The following MTMR12 variants were observed in gnomAD, a reference collection of about 807,000 sequenced individuals.
MTMR12 encodes the protein myotubularin related protein 12.
A neutral mutation model predicts 96.7 loss-of-function variants in MTMR12; 33 were observed. The ratio of observed to expected loss-of-function variants is 0.34; its 90% CI spans 0.26 to 0.46. The LOEUF (loss-of-function observed/expected upper bound fraction) is 0.46, where lower values mean the gene tolerates loss of function less well. Among genes scored for constraint, MTMR12 ranks in the 20% least tolerant of loss-of-function variants. The pLI, the probability that MTMR12 is intolerant of heterozygous loss-of-function variation, is 1.00. For synonymous variants in MTMR12, 298 were observed against 327.2 expected (o/e 0.91, Z 0.96); for missense variants, 721 against 896.1 (o/e 0.80, Z 2.49).
chr5:32,311,451 G>C (rs1203423979), intron 1 of MTMR12, among the ~76,000 whole-genome samples: 1 of 152,172 alleles, frequency 6.6e-6, no homozygotes, highest in Non-Finnish European at 1.5e-5. Context: ...AAATGCCTCA[G>C]GCCCCAGGTG....
intron 1 of MTMR12, among the ~76,000 whole-genome samples, chr5:32,310,008 A>T (rs1406483682): frequency 2.0e-5 from 3 of 152,182 alleles, no homozygotes; most frequent in Non-Finnish European, 4.4e-5. Context: ...ACTGCTAGGT[A>T]TACACCCAAA....
At chr5:32,240,750 A>G (rs1481198160) in intron 12 of MTMR12, among the ~76,000 whole-genome samples, 1 of 152,146 alleles carries the variant, frequency 6.6e-6, no homozygotes. Context: ...ACAGGCACAC[A>G]GGACCAAGCC....
intron 8 of MTMR12, among the ~76,000 whole-genome samples, chr5:32,251,593 A>AC (rs1748928131): frequency 6.6e-6 from 1 of 152,196 alleles, no homozygotes; most frequent in African/African-American, 2.4e-5. Flanking sequence ...AGAGAAAACA[A>AC]GTATAGACTC....
chr5:32,298,724 G>A (rs551107774), intron 1 of MTMR12, among the ~76,000 whole-genome samples: 10 of 151,916 alleles, frequency 6.6e-5, no homozygotes, highest in East Asian at 1.9e-4. Flanking sequence ...AGAGGCGGGC[G>A]GATCATGAGG....
At chr5:32,242,246 T>C (rs75970874) in intron 11 of MTMR12, 119 bp from the exon 12 acceptor site, 4 of 583,532 alleles carry the variant, frequency 6.9e-6, no homozygotes, top group South Asian at 3.5e-5. Flanking sequence ...TTTTTTTTTT[T>C]CCACGCTAAA....
At chr5:32,286,142 A>T (rs1245155071) in intron 1 of MTMR12, among the ~76,000 whole-genome samples, 1 of 152,180 alleles carries the variant, frequency 6.6e-6, no homozygotes, top group Non-Finnish European at 1.5e-5. Context: ...AGTTCGAGAC[A>T]AGCTTGGGCA....
intron 7 of MTMR12, among the ~76,000 whole-genome samples, chr5:32,261,988 C>T (rs1460294087): frequency 1.3e-5 from 2 of 152,140 alleles, no homozygotes; most frequent in Admixed American, 6.5e-5. Flanking sequence ...AGGAGAATGG[C>T]GTGAACCCAG....
chr5:32,275,906 T>G (rs1323150104), intron 2 of MTMR12, among the ~76,000 whole-genome samples: 1 of 152,204 alleles, frequency 6.6e-6, no homozygotes, highest in Non-Finnish European at 1.5e-5. Context: ...TTGCACAGAT[T>G]TATATCCCCT....
intron 7 of MTMR12, 47 bp from the exon 8 acceptor site, chr5:32,255,815 C>T (rs889390703): frequency 2.0e-6 from 3 of 1,496,760 alleles, no homozygotes; most frequent in Admixed American, 3.7e-5. Context: ...ACTTAATTCA[C>T]AAAATATGAA....
intron 1 of MTMR12, among the ~76,000 whole-genome samples, chr5:32,307,403 G>A (rs1751404256): frequency 1.3e-5 from 2 of 152,100 alleles, no homozygotes; most frequent in Admixed American, 1.3e-4. Context: ...CTGGGCTGGG[G>A]TGGGGGTGCT....
chr5:32,312,739 C>T lies in MTMR12; in HGVS notation c.81+19G>A. On this transcript the variant is annotated intron_variant, in intron 1 of 15. Coordinates refer to ENST00000382142, the MANE Select transcript of MTMR12 (RefSeq NM_001040446.3). The surrounding 1 kb of genome is among the most constrained non-coding windows in gnomAD (Gnocchi z 5.0). ...CGGCCGCCCCTGCCCGACGCCCCGCCTGCGCGGCGCCCCCTCACCTCAGGG... is the reference window on the plus strand; with the variant it reads ...CGGCCGCCCCTGCCCGACGCCCCGCTTGCGCGGCGCCCCCTCACCTCAGGG... 2 of 1,497,908 alleles carry T rather than the reference C, an allele frequency of 1.3e-6. No individual in the cohort carries two copies. The highest frequency in any genetic ancestry group is 2.1e-4 in the Middle Eastern group (1 of 4,710). The allele number at this position is 1,497,908 out of a possible 1,614,324, so 92.8% of individuals were successfully genotyped here.
At chr5:32,301,311 C>A (rs1419763514) in intron 1 of MTMR12, among the ~76,000 whole-genome samples, 1 of 152,172 alleles carries the variant, frequency 6.6e-6, no homozygotes, top group Non-Finnish European at 1.5e-5. Flanking sequence ...CCAAACAACT[C>A]ATCCCTGGGA....
intron 3 of MTMR12, among the ~76,000 whole-genome samples, chr5:32,273,484 A>G (rs1247610113): frequency 6.6e-6 from 1 of 152,242 alleles, no homozygotes; most frequent in Non-Finnish European, 1.5e-5. Flanking sequence ...TTTAAGGAAG[A>G]GCTTAGTATA....
intron 1 of MTMR12, among the ~76,000 whole-genome samples, chr5:32,297,320 C>G (rs905258381): frequency 6.6e-6 from 1 of 152,104 alleles, no homozygotes; most frequent in Non-Finnish European, 1.5e-5. Context: ...CCACTCAATC[C>G]CTCTGTTTAC....
At chr5:32,295,747 G>C (rs953348251) in intron 1 of MTMR12, among the ~76,000 whole-genome samples, 2 of 152,124 alleles carry the variant, frequency 1.3e-5, no homozygotes, top group African/African-American at 2.4e-5. Flanking sequence ...GAAGCACTAA[G>C]GGTTTAAATA....
intron 13 of MTMR12, among the ~76,000 whole-genome samples, chr5:32,235,666 A>G (rs1241937912): frequency 6.6e-6 from 1 of 152,206 alleles, no homozygotes; most frequent in Admixed American, 6.5e-5. Context: ...CCCCGCAGTG[A>G]GGGCCCAGAA....
At chr5:32,286,164 C>T (rs1323245606) in intron 1 of MTMR12, among the ~76,000 whole-genome samples, 1 of 152,060 alleles carries the variant, frequency 6.6e-6, no homozygotes, top group Non-Finnish European at 1.5e-5. Flanking sequence ...CATGACGAAG[C>T]CCTGTTTCTA....
rs1241472643 is a variant in MTMR12 at position 32,229,504 on chromosome 5, A to G, written c.*274T>C. ...GTAAACTGGCCATTGTGGGCTCTGT[A>G]TAATACTTAGGCATCAGAAAACGGC... On this transcript the variant is annotated 3_prime_UTR_variant, in exon 16 of 16. Transcript: ENST00000382142. 7 of 292,536 alleles carry G rather than the reference A, an allele frequency of 2.4e-5. No individual in the cohort carries two copies. Among genetic ancestry groups the G allele is most frequent in the Non-Finnish European group, 4.4e-5 (7 of 159,356 alleles). 18.1% of individuals were successfully genotyped at this position (292,536 alleles called of 1,614,324 possible).
Position 32,228,591 on chromosome 5 carries a change from GATATATATATATATATCATATATATGAT to G in MTMR12, c.*1159_*1186del, listed in dbSNP as rs1180889971. 17 of 103,662 alleles carry G rather than the reference GATATATATATATATATCATATATATGAT, an allele frequency of 1.6e-4. No homozygotes were observed. The highest frequency in any genetic ancestry group is 9.1e-4 in the East Asian group (3 of 3,292). 6.4% of individuals were successfully genotyped at this position (103,662 alleles called of 1,614,324 possible). A position where few individuals can be genotyped will look rare whatever the true frequency, so the allele number is the denominator to read the frequency against. Reference sequence around the variant, plus strand: ...TATCATATATATATCATATATATGTGATATATATATATATATCATATATATGATATATATATATCACATATATATCATA... The same window carrying G: ...TATCATATATATATCATATATATGTGATATATATATCACATATATATCATA... On this transcript the variant is annotated 3_prime_UTR_variant, in exon 16 of 16. Coordinates refer to ENST00000382142, the MANE Select transcript of MTMR12 (RefSeq NM_001040446.3).
Sources: gnomAD v4.1 joint callset for allele counts (sites outside exome capture counted in the v4.1 genomes callset) on GRCh38, gnomAD v4.1.1 for gene constraint, Gnocchi (gnomAD v3.1) non-coding constraint, MANE v1.5 for transcripts, NCBI Gene and HGNC (gene_info 2026-07-23, HGNC 2026-07-21) for gene names.